The following KCNS3 variants were observed in gnomAD, a reference collection of about 807,000 sequenced individuals.
KCNS3 encodes potassium voltage-gated channel modifier subfamily S member 3, also known as delayed-rectifier potassium channel regulatory subunit KCNS3.
KCNS3 carries 13 observed loss-of-function variants against 31.0 expected under a neutral mutation model. That is an observed-to-expected ratio of 0.42 (90% CI 0.27 to 0.67). KCNS3 has a LOEUF of 0.67. Ranked by LOEUF, KCNS3 falls within the 30% of genes least tolerant of loss-of-function variation. The pLI, the probability that KCNS3 is intolerant of heterozygous loss-of-function variation, is 0.25. For synonymous variants in KCNS3, 238 were observed against 241.5 expected, an observed-to-expected ratio of 0.99 and a Z score of 0.13; for missense variants, 545 against 622.4, an observed-to-expected ratio of 0.88 and a Z score of 1.32.
At chr2:17,927,868 G>GC (rs1478106487) in intron 2 of KCNS3, among the ~76,000 whole-genome samples, 2 of 152,164 alleles carry the variant, frequency 1.3e-5, no homozygotes, top group African/African-American at 4.8e-5. Context: ...TGGCCTGGAA[G>GC]CCCCCCACCT....
At chr2:17,897,974 G>A (rs1246229664) in intron 1 of KCNS3, among the ~76,000 whole-genome samples, 2 of 152,136 alleles carry the variant, frequency 1.3e-5, no homozygotes, top group African/African-American at 4.8e-5. Context: ...GTTAATTTTT[G>A]TACATGGTTA....
chr2:17,923,805 A>T (rs544195857), intron 2 of KCNS3, among the ~76,000 whole-genome samples: 2 of 151,842 alleles, frequency 1.3e-5, no homozygotes, highest in South Asian at 4.1e-4. Context: ...CTTATTTTTC[A>T]GTTTATTGAT....
At chr2:17,885,052 AAATTG>A (rs1661609856) in intron 1 of KCNS3, among the ~76,000 whole-genome samples, 1 of 150,818 alleles carries the variant, frequency 6.6e-6, no homozygotes, top group South Asian at 2.1e-4. Context: ...TATTTTTTAT[AAATTG>A]AATTAGCAGA....
chr2:17,906,179 T>G (rs1662309516), intron 1 of KCNS3, among the ~76,000 whole-genome samples: 1 of 152,216 alleles, frequency 6.6e-6, no homozygotes, highest in Non-Finnish European at 1.5e-5. Flanking sequence ...TCTTCGTGGT[T>G]TAATCTTGGG....
At chr2:17,882,310 C>T (rs150041704) in intron 1 of KCNS3, among the ~76,000 whole-genome samples, 19 of 152,300 alleles carry the variant, frequency 1.2e-4, no homozygotes, top group African/African-American at 4.1e-4. Context: ...TAGGAACTTT[C>T]ACATGGGATA....
At chr2:17,901,545 A>C (rs987858133) in intron 1 of KCNS3, among the ~76,000 whole-genome samples, 5 of 152,202 alleles carry the variant, frequency 3.3e-5, no homozygotes, top group Non-Finnish European at 7.3e-5. Context: ...TCAGAAGGAC[A>C]CATCTGGTAG....
chr2:17,918,704 C>A (rs1662645707), intron 2 of KCNS3, among the ~76,000 whole-genome samples: 1 of 152,190 alleles, frequency 6.6e-6, no homozygotes, highest in Admixed American at 6.5e-5. Context: ...AATACATGGT[C>A]CCTTCCACAG....
At chr2:17,891,832 G>C (rs1053100697) in intron 1 of KCNS3, among the ~76,000 whole-genome samples, 4 of 152,122 alleles carry the variant, frequency 2.6e-5, no homozygotes, top group Non-Finnish European at 4.4e-5. Flanking sequence ...AGGTTACCTG[G>C]TGCTTCTGTC....
At chr2:17,915,779 T>G (rs1662575281) in intron 1 of KCNS3, among the ~76,000 whole-genome samples, 1 of 152,184 alleles carries the variant, frequency 6.6e-6, no homozygotes, top group South Asian at 2.1e-4. Context: ...GAGGTGCTAA[T>G]TTACATAAAT....
At chr2:17,906,263 A>G (rs1662311861) in intron 1 of KCNS3, among the ~76,000 whole-genome samples, 2 of 152,190 alleles carry the variant, frequency 1.3e-5, no homozygotes, top group Non-Finnish European at 2.9e-5. Flanking sequence ...TGTTTATAGT[A>G]TTCTCTGATA....
At chr2:17,890,186 T>C (rs530109584) in intron 1 of KCNS3, among the ~76,000 whole-genome samples, 1 of 152,308 alleles carries the variant, frequency 6.6e-6, no homozygotes, top group South Asian at 2.1e-4. Context: ...ATCCATCTCT[T>C]CTATGTCTTC....
At chr2:17,884,030 C>A (rs112838739) in intron 1 of KCNS3, among the ~76,000 whole-genome samples, 29,368 of 141,874 alleles carry the variant, frequency 0.21, 3,703 homozygotes, top group Non-Finnish European at 0.29. Context: ...ACTGCATGTT[C>A]TCACTCATAG....
chr2:17,931,829 C>T lies in KCNS3; in HGVS notation c.821C>T (p.Thr274Ile). Residue 274 changes from threonine to isoleucine, a missense_variant, in exon 3 of 3, where the codon ACC (threonine) becomes ATC (isoleucine). Transcript: ENST00000304101. The surrounding 1 kb of genome is among the most constrained non-coding windows in gnomAD (Gnocchi z 5.4). ...TTCTATGCCACGTTGGCTGTAGACACCAAGGAGGAAGAGAGTGAGGATATT... is the reference window on the plus strand; with the variant it reads ...TTCTATGCCACGTTGGCTGTAGACATCAAGGAGGAAGAGAGTGAGGATATT... ...IPFYATLAVD[T>I]KEEESEDIEN... 6.2e-7 allele frequency: 1 copy of T among 1,614,168 alleles called. No homozygotes were observed. The highest frequency in any genetic ancestry group is 1.7e-5 in the Admixed American group (1 of 60,028).
chr2:17,913,890 C>A (rs186725308), intron 1 of KCNS3, among the ~76,000 whole-genome samples: 2 of 152,244 alleles, frequency 1.3e-5, no homozygotes, highest in East Asian at 3.9e-4. Flanking sequence ...CTGCTAAACA[C>A]TCTACTGTGA....
intron 2 of KCNS3, chr2:17,919,289 G>T (rs957160077): frequency 2.0e-5 from 3 of 152,232 alleles, no homozygotes; most frequent in Admixed American, 6.5e-5. Context: ...ATAGGGGAAG[G>T]AAGTGGGGGA....
intron 1 of KCNS3, among the ~76,000 whole-genome samples, chr2:17,898,913 G>T (rs985259282): frequency 6.6e-6 from 1 of 152,090 alleles, no homozygotes; most frequent in African/African-American, 2.4e-5. Flanking sequence ...GGCACTCAGG[G>T]CTCTGGCAAT....
intron 1 of KCNS3, among the ~76,000 whole-genome samples, chr2:17,901,713 G>A (rs1172012146): frequency 6.6e-6 from 1 of 151,976 alleles, no homozygotes; most frequent in Non-Finnish European, 1.5e-5. Context: ...CAAAGCTGGA[G>A]GCCTGCAGAT....
rs1186807877 is a variant in KCNS3 at position 17,921,676 on chromosome 2, CGA to C, written c.-60+3813_-60+3814del. Among the ~76,000 whole-genome samples the C allele has an allele frequency of 5.9e-5, 9 of 151,336 alleles. No individual in the cohort carries two copies. In the South Asian group the frequency reaches 1.7e-3, roughly 28 times the overall value. On this transcript the variant is annotated intron_variant, in intron 2 of 2. Transcript: ENST00000304101. ...ATCTTACCATAGTGAAGCAGGAGAG[CGA>C]GAGAGAGTGAAGTGGGAGATGCTAC...
At chr2:17,930,861 A>T in intron 2 of KCNS3, 89 bp from the exon 3 acceptor site, 1 of 750,124 alleles carries the variant, frequency 1.3e-6, no homozygotes, top group Non-Finnish European at 2.1e-6. Context: ...CTTTTAATGT[A>T]GCCCATCCTC....
Sources: allele counts gnomAD v4.1 joint callset (sites outside exome capture counted in the v4.1 genomes callset), GRCh38; gene constraint gnomAD v4.1.1; non-coding constraint Gnocchi (gnomAD v3.1); transcripts MANE v1.5; gene names NCBI Gene and HGNC (gene_info 2026-07-23, HGNC 2026-07-21).